The following GALNTL6 variants were observed in gnomAD, a reference collection of about 807,000 sequenced individuals.
GALNTL6 encodes polypeptide N-acetylgalactosaminyltransferase-like 6.
In GALNTL6, 46 loss-of-function variants were observed where a neutral mutation model predicts 73.7. That is an observed-to-expected ratio of 0.62 (90% CI 0.49 to 0.80). The LOEUF (loss-of-function observed/expected upper bound fraction) is 0.80, where lower values mean the gene tolerates loss of function less well. Among genes scored for constraint, GALNTL6 ranks in the 30% least tolerant of loss-of-function variants. GALNTL6 has a pLI of 0.00. For missense variants in GALNTL6, 604 were observed against 755.0 expected (o/e 0.80, Z 2.34); for synonymous variants, 259 against 263.7 (o/e 0.98, Z 0.17).
intron 2 of GALNTL6, among the ~76,000 whole-genome samples, chr4:171,907,288 T>A (rs1486354750): frequency 7.2e-5 from 11 of 152,154 alleles, no homozygotes; most frequent in Non-Finnish European, 1.5e-4. Flanking sequence ...ATAAGCAACT[T>A]CAGCAAAGTC....
intron 5 of GALNTL6, among the ~76,000 whole-genome samples, chr4:172,761,253 G>A (rs2164828): frequency 1 from 152,219 of 152,338 alleles, 76,051 homozygotes; most frequent in Non-Finnish European, 1. Flanking sequence ...TTGGTTCTGA[G>A]TAAAGAAAAC....
intron 5 of GALNTL6, among the ~76,000 whole-genome samples, chr4:172,387,618 T>G (rs1212914415): frequency 6.6e-6 from 1 of 152,176 alleles, no homozygotes; most frequent in Non-Finnish European, 1.5e-5. Context: ...TAAATGTGGC[T>G]TTTTGAGTTT....
At chr4:172,057,726 AAAT>A (rs1731069108) in intron 2 of GALNTL6, among the ~76,000 whole-genome samples, 2 of 72,750 alleles carry the variant, frequency 2.7e-5, no homozygotes, top group African/African-American at 1.0e-4. Context: ...AAAAAAAAAA[AAAT>A]ATATATATAT....
chr4:172,685,490 T>C (rs1732864560), intron 5 of GALNTL6, among the ~76,000 whole-genome samples: 1 of 152,206 alleles, frequency 6.6e-6, no homozygotes, highest in Admixed American at 6.5e-5. Context: ...AAAGGCACAT[T>C]AAAGAACCGA....
rs1450400924 is a variant in GALNTL6 at position 172,952,191 on chromosome 4, C to G, written c.1304C>G (p.Ala435Gly). Residue 435 changes from alanine to glycine, a missense_variant, in exon 10 of 13, where the codon GCT becomes GGT. Ala to Gly is a moderately conservative substitution (Grantham distance 60). Coordinates refer to ENST00000506823, the MANE Select transcript of GALNTL6 (RefSeq NM_001034845.3). The stretch of plus-strand genomic sequence containing the variant: ...TGCAAGGACTTCAAATGGTTCATGG[C>G]TGCTGTGGCCTGGGACGTGCCTAAA... ...LKCKDFKWFM[A>G]AVAWDVPKYY... is the part of the protein sequence containing the mutation. 6.2e-7 allele frequency: 1 copy of G among 1,614,058 alleles called. No individual in the cohort carries two copies. Among genetic ancestry groups the G allele is most frequent in the Non-Finnish European group, 8.5e-7 (1 of 1,179,982 alleles).
intron 2 of GALNTL6, among the ~76,000 whole-genome samples, chr4:172,037,265 A>G (rs1392502196): frequency 2.0e-5 from 3 of 152,170 alleles, no homozygotes; most frequent in Admixed American, 2.0e-4. Context: ...TAAAAAAATC[A>G]ATAAACTGCT....
chr4:171,916,213 A>C (rs1232933831), intron 2 of GALNTL6, among the ~76,000 whole-genome samples: 1 of 152,116 alleles, frequency 6.6e-6, no homozygotes, highest in Non-Finnish European at 1.5e-5. Flanking sequence ...ATATAAACTA[A>C]TTACTTAGTT....
At chr4:171,874,723 G>A (rs1475969519) in intron 2 of GALNTL6, among the ~76,000 whole-genome samples, 3 of 152,112 alleles carry the variant, frequency 2.0e-5, no homozygotes, top group African/African-American at 7.2e-5. Flanking sequence ...AAAATACTGT[G>A]ATTTCCACAG....
intron 2 of GALNTL6, among the ~76,000 whole-genome samples, chr4:171,884,009 A>T (rs1216431725): frequency 6.6e-6 from 1 of 152,246 alleles, no homozygotes; most frequent in African/African-American, 2.4e-5. Context: ...GTAAACATTT[A>T]TAAACCCATT....
At chr4:172,061,975 T>G (rs548809878) in intron 2 of GALNTL6, among the ~76,000 whole-genome samples, 17 of 134,048 alleles carry the variant, frequency 1.3e-4, no homozygotes, top group African/African-American at 4.9e-4. Flanking sequence ...TGAGACAGAG[T>G]CTTGCTCTTG....
At chr4:172,765,504 C>G (rs1264387429) in intron 5 of GALNTL6, among the ~76,000 whole-genome samples, 1 of 150,896 alleles carries the variant, frequency 6.6e-6, no homozygotes, top group Non-Finnish European at 1.5e-5. Context: ...GCTGGATATT[C>G]TGCCCTAATT....
chr4:173,014,273 A>C (rs1490219543), intron 11 of GALNTL6, among the ~76,000 whole-genome samples: 2 of 152,234 alleles, frequency 1.3e-5, no homozygotes, highest in African/African-American at 4.8e-5. Flanking sequence ...TTAGGGATCA[A>C]GAAAGAAAAA....
At chr4:171,856,646 A>C (rs1034297195) in intron 2 of GALNTL6, among the ~76,000 whole-genome samples, 2 of 152,158 alleles carry the variant, frequency 1.3e-5, no homozygotes, top group Non-Finnish European at 2.9e-5. Flanking sequence ...TTTCTTTTGC[A>C]TATGGATGTG....
chr4:172,365,487 C>A (rs188584926), intron 5 of GALNTL6, among the ~76,000 whole-genome samples: 2 of 152,022 alleles, frequency 1.3e-5, no homozygotes. Context: ...TGGCGATGCT[C>A]CTGCTCTGTC....
intron 2 of GALNTL6, among the ~76,000 whole-genome samples, chr4:171,936,992 T>C (rs1466502068): frequency 6.6e-6 from 1 of 152,124 alleles, no homozygotes; most frequent in African/African-American, 2.4e-5. Context: ...ACCTGCAAGA[T>C]CACGCTTCAC....
intron 7 of GALNTL6, among the ~76,000 whole-genome samples, chr4:172,819,385 A>C (rs1741799038): frequency 6.6e-6 from 1 of 152,246 alleles, no homozygotes; most frequent in Admixed American, 6.5e-5. Context: ...TTAGGCTTAG[A>C]ATAAAATCAG....
chr4:171,978,175 A>T (rs1374299112), intron 2 of GALNTL6, among the ~76,000 whole-genome samples: 1 of 152,280 alleles, frequency 6.6e-6, no homozygotes, highest in East Asian at 1.9e-4. Flanking sequence ...AGAAATGAAA[A>T]TCTTAGATAA....
At chr4:172,574,770 T>C (rs1378708532) in intron 5 of GALNTL6, among the ~76,000 whole-genome samples, 1 of 152,012 alleles carries the variant, frequency 6.6e-6, no homozygotes, top group Non-Finnish European at 1.5e-5. Flanking sequence ...CCAGGGATAA[T>C]AGGGTCTAAA....
At chr4:171,914,309 T>C (rs1180841645) in intron 2 of GALNTL6, among the ~76,000 whole-genome samples, 1 of 152,052 alleles carries the variant, frequency 6.6e-6, no homozygotes, top group Admixed American at 6.6e-5. Flanking sequence ...TGACAGTGGT[T>C]ATCCCGACAA....
Sources: allele counts gnomAD v4.1 joint callset (sites outside exome capture counted in the v4.1 genomes callset), GRCh38; gene constraint gnomAD v4.1.1; transcripts MANE v1.5; gene names NCBI Gene and HGNC (gene_info 2026-07-23, HGNC 2026-07-21).